Variants in SORBS2 observed in about 807,000 individuals in gnomAD.
SORBS2 encodes sorbin and SH3 domain-containing protein 2.
Under a neutral mutation model 97.7 loss-of-function variants are expected in SORBS2, and 46 were observed. The observed-to-expected ratio is 0.47, with a 90% CI of 0.37 to 0.60. The LOEUF (loss-of-function observed/expected upper bound fraction) is 0.60. Among genes scored for constraint, SORBS2 ranks in the 20% least tolerant of loss-of-function variants. The probability of loss-of-function intolerance (pLI) is 0.00; values close to 1 mark genes in which losing one functional copy is unlikely to be tolerated. For synonymous variants in SORBS2, 476 were observed against 473.4 expected, an observed-to-expected ratio of 1.01 and a Z score of -0.07; for missense variants, 1,316 against 1,282.3, an observed-to-expected ratio of 1.03 and a Z score of -0.40.
At chr4:185,803,652 A>G (rs2099140935) in intron 1 of SORBS2, among the ~76,000 whole-genome samples, 1 of 152,224 alleles carries the variant, frequency 6.6e-6, no homozygotes, top group Admixed American at 6.5e-5. Flanking sequence ...ACACTTTAGA[A>G]GGAAGATTTT....
intron 1 of SORBS2, among the ~76,000 whole-genome samples, chr4:185,818,042 T>G (rs1162566368): frequency 1.3e-5 from 2 of 152,166 alleles, no homozygotes; most frequent in Non-Finnish European, 2.9e-5. Context: ...AAATAGTAGA[T>G]GTTCAGTTAA....
At position 185,646,464 on chromosome 4, in the gene SORBS2, T is replaced by G. The variant is rs2097210699; in HGVS notation, c.396+204A>C. ...ACACACATACACACACACATACACT[T>G]GTATTTGGTCAGTAAAGACAATATA... On this transcript the variant is annotated intron_variant, in intron 4 of 14. Transcript: ENST00000418609. 1.6e-5 allele frequency: 8 copies of G among 504,224 alleles called. No individual in the cohort carries two copies. The Admixed American group carries it at 1.7e-4, about 11-fold the overall frequency. The allele number at this position is 504,224 out of a possible 1,614,324, so 31.2% of individuals were successfully genotyped here.
At chr4:185,849,657 G>A (rs2099216682) in intron 1 of SORBS2, among the ~76,000 whole-genome samples, 1 of 152,100 alleles carries the variant, frequency 6.6e-6, no homozygotes, top group African/African-American at 2.4e-5. Context: ...TAAGACAGTA[G>A]CCCAGCAGGC....
chr4:185,742,136 G>T (rs1396508040), intron 2 of SORBS2, among the ~76,000 whole-genome samples: 1 of 152,168 alleles, frequency 6.6e-6, no homozygotes, highest in African/African-American at 2.4e-5. Context: ...AGCTCTCAGG[G>T]GCCAGCCCTG....
intron 4 of SORBS2, among the ~76,000 whole-genome samples, chr4:185,631,252 G>C (rs2096901641): frequency 1.3e-5 from 2 of 152,314 alleles, no homozygotes; most frequent in Non-Finnish European, 2.9e-5. Context: ...TAAAATAAAT[G>C]AGCTAATGAA....
chr4:185,890,543 G>T (rs561084471), intron 1 of SORBS2, among the ~76,000 whole-genome samples: 125 of 152,198 alleles, frequency 8.2e-4, no homozygotes, highest in African/African-American at 2.9e-3. Context: ...CTTTAAGGCC[G>T]CCTCCACTCA....
chr4:185,792,345 T>A (rs563318609), intron 1 of SORBS2, among the ~76,000 whole-genome samples: 1 of 152,156 alleles, frequency 6.6e-6, no homozygotes, highest in East Asian at 1.9e-4. Flanking sequence ...AATACAAAAA[T>A]TAGCTGGGTG....
In SORBS2 at chr4:185,596,328, G is replaced by A. The variant is rs1043275108; in HGVS notation, c.2797-2393C>T. On this transcript the variant is annotated intron_variant, in intron 12 of 14. Coordinates refer to ENST00000418609, the Ensembl canonical transcript of SORBS2. ...GTAAAACAATCAACTTTTAAAGTCCGTATATCCCTTTTTAGTTATCATCAT... is the reference window on the plus strand; with the variant it reads ...GTAAAACAATCAACTTTTAAAGTCCATATATCCCTTTTTAGTTATCATCAT... 7.9e-5 allele frequency among the ~76,000 whole-genome samples: 12 copies of A among 151,954 alleles called. No homozygotes were observed. In the East Asian group the frequency reaches 9.7e-4, roughly 12 times the overall value.
intron 1 of SORBS2, among the ~76,000 whole-genome samples, chr4:185,868,773 C>A (rs976574630): frequency 6.6e-6 from 1 of 152,112 alleles, no homozygotes; most frequent in African/African-American, 2.4e-5. Context: ...CATGCTGTGT[C>A]AATATTCTAC....
intron 2 of SORBS2, among the ~76,000 whole-genome samples, chr4:185,729,547 C>T (rs768891356): frequency 6.6e-6 from 1 of 152,210 alleles, no homozygotes; most frequent in Non-Finnish European, 1.5e-5. Context: ...TCTGTGTACT[C>T]GAGGTCAGTT....
At chr4:185,656,547 G>C (rs969268251) in intron 1 of SORBS2, 2 of 1,203,290 alleles carry the variant, frequency 1.7e-6, no homozygotes, top group Middle Eastern at 1.9e-4. Flanking sequence ...CCACACCCCA[G>C]CTTTACATGG....
intron 1 of SORBS2, among the ~76,000 whole-genome samples, chr4:185,851,581 G>A (rs184997746): frequency 5.6e-4 from 86 of 152,248 alleles, no homozygotes; most frequent in Non-Finnish European, 1.1e-3. Context: ...CTTGAAGAAT[G>A]CAAAGTGTTA....
At chr4:185,703,740 T>C (rs2098298442) in intron 2 of SORBS2, among the ~76,000 whole-genome samples, 1 of 152,248 alleles carries the variant, frequency 6.6e-6, no homozygotes, top group Non-Finnish European at 1.5e-5. Context: ...CCTGTTCCCA[T>C]GTTCAGATGT....
chr4:185,943,615 G>T (rs563493852), intron 1 of SORBS2, among the ~76,000 whole-genome samples: 7 of 152,180 alleles, frequency 4.6e-5, no homozygotes, highest in Admixed American at 1.3e-4. Context: ...GGGAAAAATA[G>T]CAGGGGGAAT....
In SORBS2 at chr4:185,944,493, G is replaced by A. The variant is rs2099273599; in HGVS notation, c.-338+11703C>T. ...ATATAGTCAATCTAGAGACTATAAA[G>A]ACACAACACATCTAAAATTTGGATC... On this transcript the variant is annotated intron_variant, in intron 1 of 20. Coordinates refer to the SORBS2 transcript ENST00000284776. Among the ~76,000 whole-genome samples the A allele has an allele frequency of 1.3e-5, 2 of 152,180 alleles. 1 individual carries two copies. The highest frequency in any genetic ancestry group is 4.8e-5 in the African/African-American group (2 of 41,448).
At chr4:185,942,075 C>T (rs1208112098) in intron 1 of SORBS2, among the ~76,000 whole-genome samples, 1 of 152,036 alleles carries the variant, frequency 6.6e-6, no homozygotes, top group Admixed American at 6.5e-5. Context: ...AAGATCATGC[C>T]ACTGCACTCC....
upstream of SORBS2, among the ~76,000 whole-genome samples, chr4:185,659,950 C>G (rs965238638): frequency 6.6e-6 from 1 of 152,156 alleles, no homozygotes; most frequent in African/African-American, 2.4e-5. Context: ...TATAAGTTAA[C>G]CCTTTATTTT....
At chr4:185,742,271 C>A (rs904448) in intron 2 of SORBS2, among the ~76,000 whole-genome samples, 120,462 of 152,198 alleles carry the variant, frequency 0.79, 48,076 homozygotes, top group African/African-American at 0.84. Context: ...AAGCAAAAAC[C>A]ACAGGCCTAA....
chr4:185,626,532 A>G (rs2096817901), intron 6 of SORBS2, among the ~76,000 whole-genome samples: 1 of 152,256 alleles, frequency 6.6e-6, no homozygotes, highest in South Asian at 2.1e-4. Flanking sequence ...TGTTTACAAA[A>G]TACATCTTTT....
Sources: gnomAD v4.1 joint callset for allele counts (sites outside exome capture counted in the v4.1 genomes callset) on GRCh38, gnomAD v4.1.1 for gene constraint, MANE v1.5 for transcripts, NCBI Gene and HGNC (gene_info 2026-07-23, HGNC 2026-07-21) for gene names.